Variants in RAP1GDS1 observed in about 807,000 individuals in gnomAD.
The protein encoded by RAP1GDS1 is RAP1, GTP-GDP dissociation stimulator 1.
RAP1GDS1 carries 35 observed loss-of-function variants against 71.1 expected under a neutral mutation model. That is an observed-to-expected ratio of 0.49 (90% CI 0.38 to 0.65). RAP1GDS1 has a LOEUF of 0.65. Among genes scored for constraint, RAP1GDS1 ranks in the 30% least tolerant of loss-of-function variants. The probability of loss-of-function intolerance (pLI) is 0.00; values close to 1 mark genes in which losing one functional copy is unlikely to be tolerated. For missense variants in RAP1GDS1, 663 were observed against 706.1 expected (o/e 0.94, Z 0.69); for synonymous variants, 229 against 243.1 (o/e 0.94, Z 0.54).
At chr4:98,376,951 T>A (rs1553991009) in intron 4 of RAP1GDS1, among the ~76,000 whole-genome samples, 1 of 152,000 alleles carries the variant, frequency 6.6e-6, no homozygotes, top group Non-Finnish European at 1.5e-5. Context: ...ATTTGTTGAA[T>A]AAGTTTGTAT....
intron 2 of RAP1GDS1, among the ~76,000 whole-genome samples, chr4:98,335,056 C>A (rs1734519943): frequency 6.6e-6 from 1 of 151,868 alleles, no homozygotes; most frequent in Non-Finnish European, 1.5e-5. Context: ...ATACTTGGTC[C>A]ATCAGTTAAA....
intron 1 of RAP1GDS1, among the ~76,000 whole-genome samples, chr4:98,268,223 G>T (rs554267811): frequency 6.6e-6 from 1 of 152,044 alleles, no homozygotes; most frequent in Non-Finnish European, 1.5e-5. Flanking sequence ...AAAATCATAC[G>T]ATCATCTCAG....
chr4:98,291,881 C>T (rs1329831633), intron 1 of RAP1GDS1, among the ~76,000 whole-genome samples: 2 of 152,216 alleles, frequency 1.3e-5, no homozygotes, highest in African/African-American at 2.4e-5. Flanking sequence ...CATATTGTTT[C>T]GGCTTAGCAG....
At chr4:98,371,617 T>A (rs962644850) in intron 4 of RAP1GDS1, among the ~76,000 whole-genome samples, 13 of 151,822 alleles carry the variant, frequency 8.6e-5, no homozygotes, top group African/African-American at 3.1e-4. Flanking sequence ...GCTGGGATTA[T>A]AGACACACGC....
chr4:98,352,511 A>G lies in RAP1GDS1; in HGVS notation c.271A>G (p.Ile91Val). Reference sequence around the variant, plus strand: ...AATTCCATGTGTGGATGCTGGATTGATTTCACCACTGGTGCAGCTGCTAAA... The same window carrying G: ...AATTCCATGTGTGGATGCTGGATTGGTTTCACCACTGGTGCAGCTGCTAAA... ...MRIPCVDAGL[I>V]SPLVQLLNSK... is the part of the protein sequence containing the mutation. The change falls in exon 4 of 15, where the codon ATT becomes GTT. Residue 91 changes from isoleucine to valine, a missense_variant. Physicochemically the swap from Ile to Val is conservative, Grantham distance 29. Transcript: ENST00000408927. 1 of 1,613,992 alleles carries G rather than the reference A, an allele frequency of 6.2e-7. No homozygotes were observed. Among genetic ancestry groups the G allele is most frequent in the Non-Finnish European group, 8.5e-7 (1 of 1,179,904 alleles).
rs546157435 is a variant in RAP1GDS1, at chr4:98,348,613, G to T, written c.236-3863G>T. On this transcript the variant is annotated intron_variant, in intron 3 of 14. Transcript: ENST00000408927. ...GTAAAAGTGTTCCTATTTCTCCACA[G>T]CCAATCCAGCACCTGTTGTTTCCTG... Among the ~76,000 whole-genome samples the T allele has an allele frequency of 1.6e-3, 245 of 152,184 alleles. 14 individuals carry two copies. The East Asian group carries it at 0.046, about 28-fold the overall frequency.
chr4:98,442,233 T>C lies in RAP1GDS1; in HGVS notation c.*116T>C. ...CTTGTGCATGCATGTGATGTTCTAATACCAATTGAAGAACCGCTGTAGGTA... is the reference window on the plus strand; with the variant it reads ...CTTGTGCATGCATGTGATGTTCTAACACCAATTGAAGAACCGCTGTAGGTA... On this transcript the variant is annotated 3_prime_UTR_variant, in exon 15 of 15. Transcript: ENST00000408927. 1.4e-6 allele frequency: 2 copies of C among 1,409,236 alleles called. No individual in the cohort carries two copies. Among genetic ancestry groups the C allele is most frequent in the Non-Finnish European group, 9.5e-7 (1 of 1,055,992 alleles). 87.3% of individuals were successfully genotyped at this position (1,409,236 alleles called of 1,614,324 possible).
At chr4:98,325,302 G>C (rs1732824489) in intron 2 of RAP1GDS1, among the ~76,000 whole-genome samples, 1 of 150,774 alleles carries the variant, frequency 6.6e-6, no homozygotes, top group African/African-American at 2.4e-5. Flanking sequence ...GGAGAAATAG[G>C]AACACTTTTA....
intron 1 of RAP1GDS1, among the ~76,000 whole-genome samples, chr4:98,269,372 G>A (rs771600965): frequency 1.1e-4 from 16 of 152,112 alleles, no homozygotes; most frequent in East Asian, 3.9e-4. Flanking sequence ...TAAGATGCGC[G>A]CAAGAAAATA....
At chr4:98,288,410 T>G (rs1726371335) in intron 1 of RAP1GDS1, among the ~76,000 whole-genome samples, 1 of 152,210 alleles carries the variant, frequency 6.6e-6, no homozygotes, top group Non-Finnish European at 1.5e-5. Context: ...ATGTGCCACA[T>G]TTTCTTAATC....
At chr4:98,350,710 T>A (rs188488744) in intron 3 of RAP1GDS1, among the ~76,000 whole-genome samples, 64 of 152,250 alleles carry the variant, frequency 4.2e-4, no homozygotes, top group Non-Finnish European at 1.0e-4. Flanking sequence ...TGGTGGCACT[T>A]GCCTGTAGTC....
At chr4:98,331,148 C>G (rs944575162) in intron 2 of RAP1GDS1, among the ~76,000 whole-genome samples, 6 of 152,284 alleles carry the variant, frequency 3.9e-5, no homozygotes, top group Admixed American at 3.9e-4. Context: ...ATACAAAAAC[C>G]AGTCAGGCGT....
chr4:98,314,134 T>C (rs1730637638), intron 2 of RAP1GDS1, among the ~76,000 whole-genome samples: 1 of 152,192 alleles, frequency 6.6e-6, no homozygotes. Flanking sequence ...GGATTGATCA[T>C]ATTTTCATTC....
chr4:98,286,463 CTTAT>C (rs1408864011), intron 1 of RAP1GDS1, among the ~76,000 whole-genome samples: 2 of 152,004 alleles, frequency 1.3e-5, no homozygotes, highest in African/African-American at 4.8e-5. Context: ...GTATTTTGCT[CTTAT>C]TTATTATAGT....
chr4:98,330,036 A>C (rs1253837753), intron 2 of RAP1GDS1, among the ~76,000 whole-genome samples: 1 of 152,108 alleles, frequency 6.6e-6, no homozygotes, highest in Non-Finnish European at 1.5e-5. Flanking sequence ...AAACATGTGA[A>C]CAAAGGTCTC....
intron 1 of RAP1GDS1, among the ~76,000 whole-genome samples, chr4:98,271,951 G>C (rs1314220868): frequency 6.6e-6 from 1 of 152,158 alleles, no homozygotes; most frequent in Non-Finnish European, 1.5e-5. Flanking sequence ...CACTTGAAGA[G>C]CTTGTTTTTA....
chr4:98,280,089 A>G (rs1205414570), intron 1 of RAP1GDS1, among the ~76,000 whole-genome samples: 3 of 152,188 alleles, frequency 2.0e-5, no homozygotes, highest in Non-Finnish European at 4.4e-5. Context: ...GTGTCTTTAT[A>G]GTAGCATAAT....
At chr4:98,309,304 A>C (rs1482140345) in intron 2 of RAP1GDS1, among the ~76,000 whole-genome samples, 2 of 152,046 alleles carry the variant, frequency 1.3e-5, no homozygotes, top group East Asian at 1.9e-4. Context: ...TTTTGTATGA[A>C]TCTTAATTCA....
intron 2 of RAP1GDS1, among the ~76,000 whole-genome samples, chr4:98,303,680 T>C (rs962658488): frequency 2.1e-5 from 3 of 144,932 alleles, no homozygotes; most frequent in Non-Finnish European, 4.5e-5. Context: ...GGGTATTCAG[T>C]ATAGGAAGAG....
Sources: gnomAD v4.1 joint callset for allele counts (sites outside exome capture counted in the v4.1 genomes callset) on GRCh38, gnomAD v4.1.1 for gene constraint, MANE v1.5 for transcripts, NCBI Gene and HGNC (gene_info 2026-07-23, HGNC 2026-07-21) for gene names.